The following CNTNAP2 variants were observed in gnomAD, a reference collection of about 807,000 sequenced individuals.
The protein encoded by CNTNAP2 is contactin associated protein 2, also known as contactin-associated protein-like 2.
CNTNAP2 carries 98 observed loss-of-function variants against 155.2 expected under a neutral mutation model. That is an observed-to-expected ratio of 0.63 (90% CI 0.54 to 0.75). CNTNAP2 has a LOEUF of 0.75. Among genes scored for constraint, CNTNAP2 ranks in the 30% least tolerant of loss-of-function variants. The pLI, the probability that CNTNAP2 is intolerant of heterozygous loss-of-function variation, is 0.00. For missense variants in CNTNAP2, 1,727 were observed against 1,688.1 expected (o/e 1.02, Z -0.40); for synonymous variants, 651 against 631.2 (o/e 1.03, Z -0.47).
intron 1 of CNTNAP2, among the ~76,000 whole-genome samples, chr7:146,546,134 G>C (rs1798026233): frequency 6.6e-6 from 1 of 151,890 alleles, no homozygotes; most frequent in Non-Finnish European, 1.5e-5. Context: ...AACATTTCAA[G>C]TTGAAAAGTT....
At chr7:147,751,143 C>G (rs1053681018) in intron 13 of CNTNAP2, among the ~76,000 whole-genome samples, 3 of 151,550 alleles carry the variant, frequency 2.0e-5, no homozygotes, top group African/African-American at 7.2e-5. Context: ...AGCTGTGTGA[C>G]CTTGGGCAAA....
chr7:148,147,281 G>C (rs1232222953), intron 16 of CNTNAP2, among the ~76,000 whole-genome samples: 1 of 152,080 alleles, frequency 6.6e-6, no homozygotes, highest in Non-Finnish European at 1.5e-5. Context: ...ATATATACCT[G>C]ACACATAGAC....
At position 147,298,896 on chromosome 7, in the gene CNTNAP2, G is replaced by A. The variant is rs553211583; in HGVS notation, c.1349-1245G>A. The stretch of plus-strand genomic sequence containing the variant: ...TAGCTCACAGGTTATAGAAAAGCAG[G>A]TGGCAGCAAGCCAGATTTCAGCCAC... On this transcript the variant is annotated intron_variant, in intron 8 of 23. Coordinates refer to ENST00000361727, the MANE Select transcript of CNTNAP2 (RefSeq NM_014141.6). Among the ~76,000 whole-genome samples the A allele has an allele frequency of 7.9e-5, 12 of 152,318 alleles. No homozygotes were observed. In the South Asian group the frequency reaches 2.1e-3, roughly 26 times the overall value.
chr7:146,191,235 G>C (rs999425510), intron 1 of CNTNAP2, among the ~76,000 whole-genome samples: 2 of 152,052 alleles, frequency 1.3e-5, no homozygotes, highest in Admixed American at 6.6e-5. Flanking sequence ...GGGTGTCCAG[G>C]GGGGACATCA....
intron 1 of CNTNAP2, among the ~76,000 whole-genome samples, chr7:146,335,877 CAAAATTA>C (rs1331409289): frequency 2.6e-5 from 4 of 152,070 alleles, no homozygotes; most frequent in Non-Finnish European, 5.9e-5. Flanking sequence ...ACAAGGAACA[CAAAATTA>C]AAAATATAAA....
rs1304763328 is a variant in CNTNAP2, at chr7:148,419,967, T to A, written c.*4351T>A. On this transcript the variant is annotated 3_prime_UTR_variant, in exon 24 of 24. Transcript: ENST00000361727. ...TGCAAAATACCTTGAAACCCTTATA[T>A]AAAGACTGAAGTCAACGGAGCCTAG... 6.6e-6 allele frequency: 1 copy of A among 152,206 alleles called. No individual in the cohort carries two copies. The highest frequency in any genetic ancestry group is 1.9e-4 in the East Asian group (1 of 5,196). 9.4% of individuals were successfully genotyped at this position (152,206 alleles called of 1,614,324 possible).
rs148948944 is a variant in CNTNAP2, at chr7:147,093,768, T to A, written c.551-14379T>A. ...AAATAACATCTAAATCAGATGTGGG[T>A]GAGACTCAAGGTGTGATTCATCCAG... On this transcript the variant is annotated intron_variant, in intron 4 of 23. Transcript: ENST00000361727. 9.4e-3 allele frequency among the ~76,000 whole-genome samples: 1,433 copies of A among 152,248 alleles called. 12 individuals carry two copies. The highest frequency in any genetic ancestry group is 0.029 in the South Asian group (138 of 4,828).
intron 1 of CNTNAP2, among the ~76,000 whole-genome samples, chr7:146,526,068 A>C (rs1018261216): frequency 1.3e-5 from 2 of 152,062 alleles, no homozygotes; most frequent in African/African-American, 4.8e-5. Flanking sequence ...GAAAATAAAT[A>C]TATGTTAGGG....
Position 148,172,440 on chromosome 7 carries a change from G to A in CNTNAP2, c.2972G>A (p.Cys991Tyr). The change falls in exon 18 of 24, where the codon TGC (cysteine) becomes TAC (tyrosine). Residue 991 changes from cysteine (C) to tyrosine (Y), a missense_variant. Cys to Tyr is a radical substitution (Grantham distance 194). Coordinates refer to ENST00000361727, the MANE Select transcript of CNTNAP2 (RefSeq NM_014141.6). ...AGATACCACGGTTACTCCTGCGATT[G>A]CTCTAATACTGCATATGATGGAACA... ...LERYHGYSCD[C>Y]SNTAYDGTFC... 1.9e-6 allele frequency: 3 copies of A among 1,614,172 alleles called. No homozygotes were observed. Among genetic ancestry groups the A allele is most frequent in the Non-Finnish European group, 2.5e-6 (3 of 1,180,022 alleles).
At chr7:146,404,952 T>C (rs1222185998) in intron 1 of CNTNAP2, among the ~76,000 whole-genome samples, 3 of 152,206 alleles carry the variant, frequency 2.0e-5, no homozygotes, top group Non-Finnish European at 2.9e-5. Flanking sequence ...ATATTTGTAA[T>C]GACATATTTA....
intron 3 of CNTNAP2, among the ~76,000 whole-genome samples, chr7:146,888,445 T>C (rs1795712265): frequency 6.6e-6 from 1 of 152,170 alleles, no homozygotes; most frequent in Non-Finnish European, 1.5e-5. Context: ...TATCATTTCA[T>C]ATGTAAGGTA....
At chr7:146,931,652 GT>G (rs1796760609) in intron 3 of CNTNAP2, among the ~76,000 whole-genome samples, 1 of 150,702 alleles carries the variant, frequency 6.6e-6, no homozygotes, top group African/African-American at 2.5e-5. Flanking sequence ...CCAGGAACTG[GT>G]TTTTTGAAAG....
intron 17 of CNTNAP2, among the ~76,000 whole-genome samples, chr7:148,157,571 C>CAAAA (rs60716582): frequency 7.2e-5 from 8 of 111,226 alleles, no homozygotes; most frequent in Admixed American, 9.5e-5. Flanking sequence ...GCAGAAGCAG[C>CAAAA]AAAAAAAAAA....
At chr7:147,238,491 A>T (rs1202008117) in intron 8 of CNTNAP2, among the ~76,000 whole-genome samples, 1 of 152,188 alleles carries the variant, frequency 6.6e-6, no homozygotes. Flanking sequence ...AATCCTGATG[A>T]AGCAGGAGAT....
chr7:147,506,540 C>T (rs1341839231), intron 11 of CNTNAP2, among the ~76,000 whole-genome samples: 1 of 152,222 alleles, frequency 6.6e-6, no homozygotes, highest in Non-Finnish European at 1.5e-5. Flanking sequence ...CAGGCGTGAG[C>T]CACCACGCCT....
intron 16 of CNTNAP2, among the ~76,000 whole-genome samples, 178 bp downstream of exon 16, chr7:148,118,466 T>A (rs979868875): frequency 1.3e-5 from 2 of 152,074 alleles, no homozygotes; most frequent in African/African-American, 4.8e-5. Context: ...TCCCTGTCCT[T>A]GGGATGCTCT....
rs368159877 is a variant in CNTNAP2, at chr7:148,267,895, A to G, written c.3475+769A>G. On this transcript the variant is annotated intron_variant, in intron 21 of 23. Coordinates refer to ENST00000361727, the MANE Select transcript of CNTNAP2 (RefSeq NM_014141.6). ...TGTCAAAGCATATCAACATGATTCT[A>G]TCTTCCTCTCACTCGTAAGAAAGCA... Among the ~76,000 whole-genome samples, 26 of 152,282 alleles carry G rather than the reference A, an allele frequency of 1.7e-4. No homozygotes were observed. The South Asian group carries it at 4.8e-3, about 28-fold the overall frequency.
chr7:148,364,113 C>T (rs1798682691), intron 21 of CNTNAP2, among the ~76,000 whole-genome samples: 5 of 152,330 alleles, frequency 3.3e-5, no homozygotes, highest in East Asian at 3.9e-4. Context: ...GGCTCCTGTG[C>T]GGCCCGAGCC....
intron 11 of CNTNAP2, among the ~76,000 whole-genome samples, chr7:147,523,338 C>A (rs1454609522): frequency 6.6e-6 from 1 of 152,056 alleles, no homozygotes; most frequent in African/African-American, 2.4e-5. Context: ...AATGAATGCA[C>A]AAAACAGAAG....
Sources: gnomAD v4.1 joint callset for allele counts (sites outside exome capture counted in the v4.1 genomes callset) on GRCh38, gnomAD v4.1.1 for gene constraint, MANE v1.5 for transcripts, NCBI Gene and HGNC (gene_info 2026-07-23, HGNC 2026-07-21) for gene names.